The following SCN7A variants were observed in gnomAD, a reference collection of about 807,000 sequenced individuals.
The protein encoded by SCN7A is sodium voltage-gated channel alpha subunit 7.
Under a neutral mutation model 155.2 loss-of-function variants are expected in SCN7A, and 138 were observed. The ratio of observed to expected loss-of-function variants is 0.89; its 90% CI spans 0.77 to 1.02. SCN7A has a LOEUF of 1.02. SCN7A is among the 50% of genes least tolerant of loss of function. The pLI, the probability that SCN7A is intolerant of heterozygous loss-of-function variation, is 0.00. For missense variants in SCN7A, 2,058 were observed against 1,986.6 expected (o/e 1.04, Z -0.68); for synonymous variants, 693 against 649.0 (o/e 1.07, Z -1.03).
At chr2:166,461,048 CTTTTTTTTTTTTT>C (rs34717897) in intron 10 of SCN7A, among the ~76,000 whole-genome samples, 2 of 96,704 alleles carry the variant, frequency 2.1e-5, no homozygotes, top group Non-Finnish European at 2.0e-5. Flanking sequence ...GTAATATTTT[CTTTTTTTTTTTTT>C]TTTTTTTTTT....
At position 166,444,801 on chromosome 2, in the gene SCN7A, C is replaced by T; in HGVS notation, c.1587G>A (p.Met529Ile). The T allele has an allele frequency of 6.2e-7, 1 of 1,602,524 alleles. No individual in the cohort carries two copies. The highest frequency in any genetic ancestry group is 1.1e-5 in the South Asian group (1 of 89,432). The stretch of plus-strand genomic sequence containing the variant: ...TGAGAAGAGTGTTAGTTTGTTTACT[C>T]ATTGGATAATGCTCCAAGGTCAGAA... ...VCFLTLEHYP[M>I]SKQTNTLLNI... Residue 529 changes from methionine (M) to isoleucine (I), a missense_variant, in exon 13 of 26, where the codon ATG (methionine) becomes ATA (isoleucine). By Grantham distance (10) the Met-to-Ile change is conservative (BLOSUM62 1). Coordinates refer to ENST00000643258, the MANE Select transcript of SCN7A (RefSeq NM_002976.4).
chr2:166,462,630 C>CTCCCTGTGG, intron 9 of SCN7A, 100 bp from the exon 10 acceptor site: 1 of 1,052,092 alleles, frequency 9.5e-7, no homozygotes, highest in Non-Finnish European at 1.4e-6. Context: ...ATAGAGAACT[C>CTCCCTGTGG]ACGCTTCCAC....
At chr2:166,486,573 G>A (rs982845676) in intron 2 of SCN7A, among the ~76,000 whole-genome samples, 5 of 152,144 alleles carry the variant, frequency 3.3e-5, no homozygotes, top group African/African-American at 1.2e-4. Flanking sequence ...GATCATACAA[G>A]CTCTGGAGTG....
chr2:166,405,429 G>C lies in SCN7A; in HGVS notation c.*151C>G. ...GATTTGTTAGATATAATGCTAAAAA[G>C]TGAATTTGGCATGAAGTCTTGTGAA... is the stretch of plus-strand genomic sequence containing the variant. On this transcript the variant is annotated 3_prime_UTR_variant, in exon 26 of 26. Coordinates refer to ENST00000643258, the MANE Select transcript of SCN7A (RefSeq NM_002976.4). The C allele has an allele frequency of 1.6e-6, 1 of 609,276 alleles. No individual in the cohort carries two copies. The highest frequency in any genetic ancestry group is 2.8e-6 in the Non-Finnish European group (1 of 358,162). 37.7% of individuals were successfully genotyped at this position (609,276 alleles called of 1,614,324 possible).
intron 11 of SCN7A, 35 bp downstream of exon 11, chr2:166,456,835 G>C (rs10930223): frequency 8.1e-4 from 747 of 918,068 alleles, no homozygotes; most frequent in Admixed American, 1.3e-3. Flanking sequence ...TATATAGATA[G>C]ATAGATAGAT....
chr2:166,463,352 T>C lies in SCN7A; in HGVS notation c.942-822A>G, dbSNP rs141216486. 1.2e-4 allele frequency among the ~76,000 whole-genome samples: 18 copies of C among 152,340 alleles called. 1 individual carries two copies. The highest frequency in any genetic ancestry group is 4.3e-4 in the African/African-American group (18 of 41,588). On this transcript the variant is annotated intron_variant, in intron 9 of 25. Transcript: ENST00000643258. ...TTGTGTAGTTTTCTCTCACATTATT[T>C]TGGGTTTAGTCATGTTACTTGTTGT... is the stretch of plus-strand genomic sequence containing the variant.
Position 166,423,387 on chromosome 2 carries a change from A to C in SCN7A, c.2899T>G (p.Leu967Val), listed in dbSNP as rs775150150. The C allele has an allele frequency of 6.2e-7, 1 of 1,601,550 alleles. No homozygotes were observed. Among genetic ancestry groups the C allele is most frequent in the Non-Finnish European group, 8.5e-7 (1 of 1,175,556 alleles). The change falls in exon 19 of 26, where the codon TTA (leucine) becomes GTA (valine). Residue 967 changes from leucine (L) to valine (V), a missense_variant. Coordinates refer to ENST00000643258, the MANE Select transcript of SCN7A (RefSeq NM_002976.4). ...YMDQRKTIKI[L>V]LEYADMIFTY... ...AAGATCATGTCAGCATATTCTAATA[A>C]AATTTTAATTGTCTTTCTCTGATCC...
At chr2:166,472,014 C>T (rs1005335621) in intron 6 of SCN7A, among the ~76,000 whole-genome samples, 3 of 151,798 alleles carry the variant, frequency 2.0e-5, no homozygotes, top group African/African-American at 7.3e-5. Context: ...GCACAACGTG[C>T]AGGTTAGCTA....
intron 2 of SCN7A, among the ~76,000 whole-genome samples, chr2:166,485,355 T>C (rs1703022723): frequency 6.6e-6 from 1 of 152,148 alleles, no homozygotes; most frequent in African/African-American, 2.4e-5. Flanking sequence ...AGGAACAGTC[T>C]AAGACATTAA....
intron 25 of SCN7A, 69 bp downstream of exon 25, chr2:166,409,596 A>G: frequency 5.1e-6 from 6 of 1,183,486 alleles, no homozygotes; most frequent in African/African-American, 1.6e-5. Context: ...ACTATATTTC[A>G]TATTTACTGT....
chr2:166,481,207 C>T (rs1025654021), intron 2 of SCN7A, among the ~76,000 whole-genome samples: 1 of 152,108 alleles, frequency 6.6e-6, no homozygotes, highest in African/African-American at 2.4e-5. Context: ...GACTAATGTT[C>T]TAAGAAACCT....
At chr2:166,472,533 T>A in intron 5 of SCN7A, 88 bp from the exon 6 acceptor site, 2 of 1,122,804 alleles carry the variant, frequency 1.8e-6, no homozygotes, top group Non-Finnish European at 1.3e-6. Flanking sequence ...CTAGCTGGCA[T>A]TTAAGAATAA....
intron 9 of SCN7A, 132 bp downstream of exon 9, chr2:166,465,330 T>G: frequency 1.4e-6 from 1 of 701,042 alleles, no homozygotes; most frequent in Non-Finnish European, 2.4e-6. Context: ...CTAAGACAAC[T>G]TCTCAGTATG....
At chr2:166,434,349 G>A (rs1479686747) in intron 15 of SCN7A, among the ~76,000 whole-genome samples, 1 of 152,052 alleles carries the variant, frequency 6.6e-6, no homozygotes, top group Non-Finnish European at 1.5e-5. Flanking sequence ...TTTTAGCATA[G>A]CAATAAAATT....
chr2:166,446,357 A>G (rs1016419237), intron 12 of SCN7A, among the ~76,000 whole-genome samples: 7 of 152,194 alleles, frequency 4.6e-5, no homozygotes, highest in African/African-American at 1.7e-4. Flanking sequence ...GCTCATTAAA[A>G]AGTCAGGAAA....
At chr2:166,473,161 C>A (rs986905524) in intron 5 of SCN7A, among the ~76,000 whole-genome samples, 1 of 151,218 alleles carries the variant, frequency 6.6e-6, no homozygotes, top group Non-Finnish European at 1.5e-5. Context: ...ACTTGTGCCT[C>A]TGAACTTGAA....
At chr2:166,422,592 G>A (rs1270489598) in intron 19 of SCN7A, among the ~76,000 whole-genome samples, 1 of 152,130 alleles carries the variant, frequency 6.6e-6, no homozygotes, top group Non-Finnish European at 1.5e-5. Flanking sequence ...CTCCATGAAG[G>A]CTGGTGCTGG....
intron 5 of SCN7A, 43 bp downstream of exon 5, chr2:166,473,756 C>A (rs528308788): frequency 5.9e-6 from 3 of 511,534 alleles, no homozygotes; most frequent in East Asian, 4.6e-5. Context: ...TAAAAATATA[C>A]AATTATATAT....
At chr2:166,465,154 C>T (rs1702500658) in intron 9 of SCN7A, among the ~76,000 whole-genome samples, 1 of 152,160 alleles carries the variant, frequency 6.6e-6, no homozygotes, top group Admixed American at 6.5e-5. Flanking sequence ...TGTGAGGACA[C>T]AGCAAAAAGG....
Sources: allele counts gnomAD v4.1 joint callset (sites outside exome capture counted in the v4.1 genomes callset), GRCh38; gene constraint gnomAD v4.1.1; transcripts MANE v1.5; gene names NCBI Gene and HGNC (gene_info 2026-07-23, HGNC 2026-07-21).